The following NFIA variants were observed in gnomAD, a reference collection of about 807,000 sequenced individuals.
The protein encoded by NFIA is nuclear factor I A.
A neutral mutation model predicts 62.8 loss-of-function variants in NFIA; 8 were observed. That is an observed-to-expected ratio of 0.13 (90% CI 0.07 to 0.23). The LOEUF is 0.23. NFIA is among the 10% of genes least tolerant of loss of function. The pLI, the probability that NFIA is intolerant of heterozygous loss-of-function variation, is 1.00. For missense variants in NFIA, 410 were observed against 642.1 expected, an observed-to-expected ratio of 0.64 and a Z score of 3.91; for synonymous variants, 235 against 238.1, an observed-to-expected ratio of 0.99 and a Z score of 0.12.
chr1:61,296,020 C>T (rs1659172815), intron 3 of NFIA, among the ~76,000 whole-genome samples: 1 of 152,184 alleles, frequency 6.6e-6, no homozygotes, highest in African/African-American at 2.4e-5. Context: ...ACCAGTGCAC[C>T]CCCATGACTG....
rs1338503890 is a variant in NFIA at position 61,461,250 on chromosome 1, G to C, written c.*5930G>C. 1 of 151,884 alleles carries C rather than the reference G, an allele frequency of 6.6e-6. No homozygotes were observed. Among genetic ancestry groups the C allele is most frequent in the Non-Finnish European group, 1.5e-5 (1 of 67,988 alleles). The allele number at this position is 151,884 out of a possible 1,614,324, so 9.4% of individuals were successfully genotyped here. On this transcript the variant is annotated 3_prime_UTR_variant, in exon 11 of 11. Coordinates refer to ENST00000403491, the MANE Select transcript of NFIA (RefSeq NM_001134673.4). The stretch of plus-strand genomic sequence containing the variant: ...CAAGCCAGGTACCCATGCTTGATCT[G>C]TCTTCACACCAGACCTCCTCATATT...
chr1:61,169,411 C>T (rs1360083392), intron 2 of NFIA, among the ~76,000 whole-genome samples: 1 of 152,218 alleles, frequency 6.6e-6, no homozygotes, highest in Non-Finnish European at 1.5e-5. Flanking sequence ...TTTCCATCCT[C>T]ACATCTCTGT....
At chr1:61,168,876 G>A (rs1038533442) in intron 2 of NFIA, among the ~76,000 whole-genome samples, 13 of 152,048 alleles carry the variant, frequency 8.5e-5, no homozygotes, top group African/African-American at 3.1e-4. Flanking sequence ...CTTTTTTGCA[G>A]CAAGACTTAC....
At chr1:61,188,855 GT>G (rs1651399468) in intron 2 of NFIA, among the ~76,000 whole-genome samples, 1 of 152,182 alleles carries the variant, frequency 6.6e-6, no homozygotes, top group Admixed American at 6.5e-5. Context: ...GCCTGAGCAA[GT>G]TTTCAGATTC....
At chr1:61,269,314 A>G (rs1171469965) in intron 2 of NFIA, among the ~76,000 whole-genome samples, 4 of 152,092 alleles carry the variant, frequency 2.6e-5, no homozygotes, top group African/African-American at 9.7e-5. Flanking sequence ...ATTATGATAG[A>G]AGGTATTTTA....
At chr1:61,113,174 T>C (rs1646733395) in intron 2 of NFIA, among the ~76,000 whole-genome samples, 1 of 152,146 alleles carries the variant, frequency 6.6e-6, no homozygotes. Context: ...GAGATAAGTT[T>C]CTTAATTCAC....
chr1:61,339,877 A>G (rs1185803704), intron 4 of NFIA, among the ~76,000 whole-genome samples: 2 of 152,108 alleles, frequency 1.3e-5, no homozygotes, highest in African/African-American at 2.4e-5. Context: ...TCCTCAGCCG[A>G]CTCAGCCCTA....
intron 3 of NFIA, among the ~76,000 whole-genome samples, chr1:61,324,021 C>T (rs960623084): frequency 3.3e-5 from 5 of 152,142 alleles, no homozygotes; most frequent in African/African-American, 9.7e-5. Context: ...TGAATAGTGT[C>T]TCCTGAGCAC....
chr1:61,168,320 A>G (rs1203003980), intron 2 of NFIA, among the ~76,000 whole-genome samples: 1 of 152,184 alleles, frequency 6.6e-6, no homozygotes, highest in Non-Finnish European at 1.5e-5. Flanking sequence ...TTTCAGTGAC[A>G]CCTACTTCTG....
intron 2 of NFIA, among the ~76,000 whole-genome samples, chr1:61,214,167 A>C (rs1653454717): frequency 6.6e-6 from 1 of 152,164 alleles, no homozygotes; most frequent in African/African-American, 2.4e-5. Context: ...TAAAAGATGT[A>C]AATTCGTGGA....
At chr1:61,284,487 C>T (rs1658356312) in intron 3 of NFIA, among the ~76,000 whole-genome samples, 1 of 152,116 alleles carries the variant, frequency 6.6e-6, no homozygotes, top group Non-Finnish European at 1.5e-5. Context: ...CTGGGGGCTT[C>T]CCCAAGTGCA....
chr1:61,207,919 A>G (rs1370272338), intron 2 of NFIA, among the ~76,000 whole-genome samples: 8 of 147,536 alleles, frequency 5.4e-5, no homozygotes, highest in Non-Finnish European at 1.2e-4. Flanking sequence ...AGGAATGAGG[A>G]GTGAAAGGAG....
intron 2 of NFIA, among the ~76,000 whole-genome samples, chr1:61,200,049 T>C (rs1350578024): frequency 1.9e-5 from 1 of 53,982 alleles, no homozygotes; most frequent in African/African-American, 1.1e-4. Flanking sequence ...TATATATATA[T>C]ATATATATAT....
chr1:61,156,629 C>T (rs768880811), intron 2 of NFIA, among the ~76,000 whole-genome samples: 4 of 152,132 alleles, frequency 2.6e-5, no homozygotes, highest in Non-Finnish European at 5.9e-5. Flanking sequence ...CTTTTACTAC[C>T]GAAAATACAT....
At chr1:61,206,653 T>C (rs1652919307) in intron 2 of NFIA, among the ~76,000 whole-genome samples, 1 of 152,242 alleles carries the variant, frequency 6.6e-6, no homozygotes, top group African/African-American at 2.4e-5. Flanking sequence ...GAATTTCTTC[T>C]ATTTTGGATG....
intron 4 of NFIA, among the ~76,000 whole-genome samples, chr1:61,338,642 A>G (rs1661743008): frequency 6.6e-6 from 1 of 152,214 alleles, no homozygotes; most frequent in African/African-American, 2.4e-5. Flanking sequence ...CTCGGCTACA[A>G]GGCACAACAA....
intron 2 of NFIA, among the ~76,000 whole-genome samples, chr1:61,275,939 AT>A (rs1407822497): frequency 6.6e-6 from 1 of 152,064 alleles, no homozygotes; most frequent in African/African-American, 2.4e-5. Flanking sequence ...ATTTGTTTGC[AT>A]TTCTAATTTT....
At chr1:61,312,289 A>G (rs1213385028) in intron 3 of NFIA, among the ~76,000 whole-genome samples, 1 of 152,226 alleles carries the variant, frequency 6.6e-6, no homozygotes, top group Non-Finnish European at 1.5e-5. Context: ...TGTTTTGTCC[A>G]TGTGAAACCT....
At chr1:61,142,113 GC>G (rs1391723865) in intron 2 of NFIA, among the ~76,000 whole-genome samples, 1 of 151,852 alleles carries the variant, frequency 6.6e-6, no homozygotes, top group Non-Finnish European at 1.5e-5. Flanking sequence ...AAAAAATTGT[GC>G]TTTTGGCATG....
Sources: gnomAD v4.1 joint callset for allele counts (sites outside exome capture counted in the v4.1 genomes callset) on GRCh38, gnomAD v4.1.1 for gene constraint, MANE v1.5 for transcripts, NCBI Gene and HGNC (gene_info 2026-07-23, HGNC 2026-07-21) for gene names.